Variants in ATP8A2 observed in about 807,000 individuals in gnomAD.
ATP8A2 encodes phospholipid-transporting ATPase IB.
A neutral mutation model predicts 165.6 loss-of-function variants in ATP8A2; 100 were observed. That is an observed-to-expected ratio of 0.60 (90% CI 0.51 to 0.71). ATP8A2 has a LOEUF of 0.71. Among genes scored for constraint, ATP8A2 ranks in the 30% least tolerant of loss-of-function variants. The probability of loss-of-function intolerance (pLI) is 0.00; values close to 1 mark genes in which losing one functional copy is unlikely to be tolerated. For synonymous variants in ATP8A2, 543 were observed against 548.8 expected (o/e 0.99, Z 0.15); for missense variants, 1,227 against 1,479.5 (o/e 0.83, Z 2.80).
chr13:25,461,212 T>C (rs2035494666), intron 1 of ATP8A2, among the ~76,000 whole-genome samples: 1 of 152,250 alleles, frequency 6.6e-6, no homozygotes, highest in South Asian at 2.1e-4. Context: ...GGATTGCAGA[T>C]GCTAGATTTG....
chr13:25,648,680 A>T (rs2041738018), intron 24 of ATP8A2, among the ~76,000 whole-genome samples: 1 of 152,160 alleles, frequency 6.6e-6, no homozygotes, highest in South Asian at 2.1e-4. Context: ...AAACAAAACA[A>T]AACAAAAATG....
chr13:26,012,479 G>A, intron 35 of ATP8A2, 52 bp from the exon 36 acceptor site: 2 of 1,437,076 alleles, frequency 1.4e-6, no homozygotes, highest in South Asian at 2.5e-5. Flanking sequence ...GTCTCCTTGT[G>A]CAACCCGAGT....
chr13:25,549,636 C>G (rs2038758903), intron 10 of ATP8A2, among the ~76,000 whole-genome samples: 2 of 152,048 alleles, frequency 1.3e-5, no homozygotes, highest in African/African-American at 4.8e-5. Flanking sequence ...TTCAGTGTCT[C>G]CTTCCCCAAC....
chr13:25,972,623 C>T (rs191002396), intron 35 of ATP8A2, among the ~76,000 whole-genome samples: 22 of 152,268 alleles, frequency 1.4e-4, no homozygotes, highest in African/African-American at 5.3e-4. Context: ...AGGAACCCCC[C>T]CGCACCGCAC....
intron 24 of ATP8A2, chr13:25,591,166 G>T: frequency 7.6e-6 from 3 of 392,176 alleles, no homozygotes; most frequent in South Asian, 1.9e-5. Context: ...TGTGTAAATT[G>T]TTGTGAAATA....
intron 35 of ATP8A2, among the ~76,000 whole-genome samples, chr13:25,979,222 T>C (rs1172308156): frequency 1.3e-5 from 2 of 152,192 alleles, no homozygotes; most frequent in African/African-American, 4.8e-5. Flanking sequence ...GTAAAAGTTA[T>C]CACCAAGAGA....
At chr13:25,797,059 G>C (rs571819205) in intron 27 of ATP8A2, among the ~76,000 whole-genome samples, 130 of 151,768 alleles carry the variant, frequency 8.6e-4, no homozygotes, top group Non-Finnish European at 1.7e-3. Flanking sequence ...CCTGAGGTCA[G>C]GAGTTTGAGA....
chr13:25,772,767 T>A (rs1329764578), intron 26 of ATP8A2, among the ~76,000 whole-genome samples: 1 of 151,478 alleles, frequency 6.6e-6, no homozygotes, highest in Non-Finnish European at 1.5e-5. Flanking sequence ...TTTATTATTT[T>A]TTTTATTCAG....
intron 24 of ATP8A2, among the ~76,000 whole-genome samples, chr13:25,643,758 C>G (rs75165475): frequency 0.035 from 5,162 of 149,092 alleles, 150 homozygotes; most frequent in East Asian, 0.13. Context: ...TTTTTCAGTT[C>G]CAGATGAATT....
intron 16 of ATP8A2, among the ~76,000 whole-genome samples, chr13:25,566,266 C>T (rs761313084): frequency 1.3e-5 from 2 of 150,548 alleles, no homozygotes; most frequent in Admixed American, 6.6e-5. Context: ...CTGTTTCAGT[C>T]ACAGACAGCT....
chr13:25,430,995 AAC>A (rs543580202), intron 1 of ATP8A2, among the ~76,000 whole-genome samples: 25 of 151,166 alleles, frequency 1.7e-4, no homozygotes, highest in Admixed American at 5.3e-4. Flanking sequence ...TCCTTCCTAA[AAC>A]ACACACACAC....
intron 1 of ATP8A2, among the ~76,000 whole-genome samples, chr13:25,395,459 AAG>A (rs1253703118): frequency 4.6e-5 from 7 of 152,178 alleles, no homozygotes; most frequent in African/African-American, 1.7e-4. Flanking sequence ...ACTTGGAGAA[AAG>A]GCATACACAT....
intron 2 of ATP8A2, among the ~76,000 whole-genome samples, chr13:25,508,069 G>A (rs1457956175): frequency 6.6e-6 from 1 of 151,698 alleles, no homozygotes; most frequent in East Asian, 1.9e-4. Context: ...CTTGACATAA[G>A]ACAGTACTGT....
In ATP8A2 at chr13:26,022,555, T is replaced by G. The variant is rs1260185619; in HGVS notation, c.*2570T>G. 6.6e-6 allele frequency: 1 copy of G among 152,232 alleles called. No individual in the cohort carries two copies. The highest frequency in any genetic ancestry group is 2.4e-5 in the African/African-American group (1 of 41,462). 9.4% of individuals were successfully genotyped at this position (152,232 alleles called of 1,614,324 possible). ...AAACATTAGAAGAGATGCCTTTCTATCCTCTCATGTGGTTGAGCATTCTTA... is the reference window on the plus strand; with the variant it reads ...AAACATTAGAAGAGATGCCTTTCTAGCCTCTCATGTGGTTGAGCATTCTTA... On this transcript the variant is annotated 3_prime_UTR_variant, in exon 37 of 37. Coordinates refer to ENST00000381655, the MANE Select transcript of ATP8A2 (RefSeq NM_016529.6).
At chr13:25,648,655 T>G (rs1179716859) in intron 24 of ATP8A2, among the ~76,000 whole-genome samples, 2 of 152,130 alleles carry the variant, frequency 1.3e-5, no homozygotes, top group East Asian at 3.8e-4. Flanking sequence ...AGAGTGATAT[T>G]CCATCTCAAA....
At chr13:25,770,540 A>C (rs1439639505) in intron 26 of ATP8A2, among the ~76,000 whole-genome samples, 2 of 152,200 alleles carry the variant, frequency 1.3e-5, no homozygotes, top group Middle Eastern at 3.2e-3. Flanking sequence ...GACTGATTTG[A>C]GTAATAATAA....
intron 24 of ATP8A2, among the ~76,000 whole-genome samples, chr13:25,591,613 T>C (rs1295106408): frequency 6.8e-6 from 1 of 147,456 alleles, no homozygotes; most frequent in Non-Finnish European, 1.5e-5. Flanking sequence ...TGAGACGAAG[T>C]CTCACTCTCT....
At chr13:25,781,553 G>A (rs950783259) in intron 27 of ATP8A2, among the ~76,000 whole-genome samples, 1 of 151,960 alleles carries the variant, frequency 6.6e-6, no homozygotes, top group Non-Finnish European at 1.5e-5. Context: ...CAGTAGTGCA[G>A]TGTTGGCTCA....
intron 24 of ATP8A2, among the ~76,000 whole-genome samples, chr13:25,634,709 GA>G (rs1485231319): frequency 6.6e-6 from 1 of 152,060 alleles, no homozygotes; most frequent in Non-Finnish European, 1.5e-5. Flanking sequence ...TTTAGTTTTT[GA>G]AATTAAAAAT....
Sources: gnomAD v4.1 joint callset for allele counts (sites outside exome capture counted in the v4.1 genomes callset) on GRCh38, gnomAD v4.1.1 for gene constraint, MANE v1.5 for transcripts, NCBI Gene and HGNC (gene_info 2026-07-23, HGNC 2026-07-21) for gene names.